The following CWC27 variants were observed in gnomAD, a reference collection of about 807,000 sequenced individuals.
CWC27 encodes the protein CWC27 spliceosome associated cyclophilin.
In CWC27, 47 loss-of-function variants were observed where a neutral mutation model predicts 63.6. That is an observed-to-expected ratio of 0.74 (90% CI 0.58 to 0.94). The LOEUF (loss-of-function observed/expected upper bound fraction) is 0.94, where lower values mean the gene tolerates loss of function less well. Ranked by LOEUF, CWC27 falls within the 40% of genes least tolerant of loss-of-function variation. The pLI is 0.00. For synonymous variants in CWC27, 175 were observed against 179.8 expected (o/e 0.97, Z 0.22); for missense variants, 495 against 554.3 (o/e 0.89, Z 1.07).
chr5:64,966,148 T>C (rs1211325311), intron 11 of CWC27, among the ~76,000 whole-genome samples: 1 of 152,176 alleles, frequency 6.6e-6, no homozygotes, highest in Non-Finnish European at 1.5e-5. Context: ...TGGAAAATCC[T>C]TATAACCACT....
At chr5:64,880,205 G>A (rs1157618205) in intron 10 of CWC27, among the ~76,000 whole-genome samples, 2 of 151,824 alleles carry the variant, frequency 1.3e-5, no homozygotes, top group Admixed American at 6.6e-5. Context: ...TTTTTATTAT[G>A]TACTGTTTTT....
At chr5:64,899,815 C>T (rs1747460882) in intron 11 of CWC27, among the ~76,000 whole-genome samples, 1 of 152,182 alleles carries the variant, frequency 6.6e-6, no homozygotes, top group Admixed American at 6.5e-5. Context: ...TTCTCATGCC[C>T]CTTGTTAACC....
chr5:64,895,246 T>C (rs1747342112), intron 11 of CWC27, among the ~76,000 whole-genome samples: 1 of 151,358 alleles, frequency 6.6e-6, no homozygotes. Flanking sequence ...CAGAGAAAAA[T>C]ATGAACAGCA....
At chr5:64,983,979 G>T in intron 13 of CWC27, among the ~76,000 whole-genome samples, 1 of 151,842 alleles carries the variant, frequency 6.6e-6, no homozygotes, top group East Asian at 1.9e-4. Context: ...CCACAGGTGC[G>T]CACCACCACG....
intron 10 of CWC27, among the ~76,000 whole-genome samples, chr5:64,816,323 C>T (rs529275411): frequency 2.6e-5 from 4 of 152,130 alleles, no homozygotes; most frequent in Non-Finnish European, 5.9e-5. Context: ...CAACATCTAT[C>T]CTTCCTTCCC....
At chr5:64,986,688 C>T (rs920660919) in intron 13 of CWC27, among the ~76,000 whole-genome samples, 4 of 151,870 alleles carry the variant, frequency 2.6e-5, no homozygotes, top group Admixed American at 6.6e-5. Context: ...TATCAGAGCC[C>T]CCCCCGGACT....
intron 10 of CWC27, among the ~76,000 whole-genome samples, chr5:64,858,133 G>C (rs1378389933): frequency 2.8e-5 from 1 of 35,646 alleles, no homozygotes; most frequent in Non-Finnish European, 4.6e-5. Context: ...GCGAGACTCC[G>C]TCTCAAAAAA....
At chr5:64,985,468 T>C (rs1481057984) in intron 13 of CWC27, among the ~76,000 whole-genome samples, 1 of 152,242 alleles carries the variant, frequency 6.6e-6, no homozygotes, top group Non-Finnish European at 1.5e-5. Context: ...TTTATAGTTG[T>C]TAGCAGTACC....
chr5:64,813,359 C>A (rs188814470), intron 10 of CWC27, among the ~76,000 whole-genome samples: 98 of 152,254 alleles, frequency 6.4e-4, no homozygotes, highest in African/African-American at 2.4e-3. Context: ...ACCAGTTAAT[C>A]CGTATCCAAG....
At chr5:64,924,495 C>T (rs1748066113) in intron 11 of CWC27, among the ~76,000 whole-genome samples, 2 of 152,180 alleles carry the variant, frequency 1.3e-5, no homozygotes, top group Non-Finnish European at 2.9e-5. Context: ...CTGTTTGCAT[C>T]TCTGATTCTT....
chr5:65,014,662 G>A (rs1034066911), intron 13 of CWC27, among the ~76,000 whole-genome samples: 19 of 152,192 alleles, frequency 1.2e-4, no homozygotes, highest in Middle Eastern at 3.4e-3. Flanking sequence ...AATTGAGTCC[G>A]TATTCTAAAT....
intron 10 of CWC27, among the ~76,000 whole-genome samples, chr5:64,822,815 G>C (rs767058622): frequency 1.4e-4 from 22 of 152,096 alleles, no homozygotes; most frequent in Non-Finnish European, 2.9e-4. Flanking sequence ...ATATGAGTAG[G>C]AAGGTTTGTT....
chr5:64,775,604 A>G (rs576620314), intron 2 of CWC27, among the ~76,000 whole-genome samples: 7 of 152,166 alleles, frequency 4.6e-5, no homozygotes, highest in South Asian at 4.1e-4. Context: ...TCAAAATTCT[A>G]GTTTCTCCAC....
intron 10 of CWC27, among the ~76,000 whole-genome samples, chr5:64,865,587 G>A (rs1275563697): frequency 6.6e-6 from 1 of 151,990 alleles, no homozygotes; most frequent in Non-Finnish European, 1.5e-5. Flanking sequence ...TGAATCATTG[G>A]TTAATTTTGT....
intron 10 of CWC27, among the ~76,000 whole-genome samples, chr5:64,863,888 A>G (rs1392261910): frequency 2.0e-5 from 3 of 152,174 alleles, no homozygotes; most frequent in Non-Finnish European, 4.4e-5. Context: ...CTTTATGTAA[A>G]AATTTTGCCA....
chr5:64,910,502 T>A (rs1335995214), intron 11 of CWC27, among the ~76,000 whole-genome samples: 1 of 152,228 alleles, frequency 6.6e-6, no homozygotes, highest in Non-Finnish European at 1.5e-5. Flanking sequence ...ACAGGGATGT[T>A]TAAGACTGCA....
intron 11 of CWC27, among the ~76,000 whole-genome samples, chr5:64,922,414 G>T (rs75843518): frequency 6.6e-6 from 1 of 152,108 alleles, no homozygotes; most frequent in South Asian, 2.1e-4. Context: ...CCTCAGCTTG[G>T]TCTATTTTGT....
At chr5:64,783,793 G>A in intron 3 of CWC27, 43 bp from the exon 4 acceptor site, 2 of 1,502,878 alleles carry the variant, frequency 1.3e-6, no homozygotes, top group South Asian at 1.4e-5. Context: ...CATATGAAGG[G>A]TCTTATAACT....
chr5:64,802,281 A>T (rs1466015043), intron 9 of CWC27, among the ~76,000 whole-genome samples: 1 of 152,176 alleles, frequency 6.6e-6, no homozygotes, highest in East Asian at 1.9e-4. Context: ...GGGGAACTGC[A>T]TATACAAAAT....
Sources: allele counts gnomAD v4.1 joint callset (sites outside exome capture counted in the v4.1 genomes callset), GRCh38; gene constraint gnomAD v4.1.1; transcripts MANE v1.5; gene names NCBI Gene and HGNC (gene_info 2026-07-23, HGNC 2026-07-21).